The following KIF26B variants were observed in gnomAD, a reference collection of about 807,000 sequenced individuals.
The protein encoded by KIF26B is kinesin family member 26B.
In KIF26B, 63 loss-of-function variants were observed where a neutral mutation model predicts 151.2. The ratio of observed to expected loss-of-function variants is 0.42; its 90% CI spans 0.34 to 0.51. KIF26B has a LOEUF of 0.51. Among genes scored for constraint, KIF26B ranks in the 20% least tolerant of loss-of-function variants. The pLI is 0.07. For synonymous variants in KIF26B, 1,357 were observed against 1,262.1 expected, an observed-to-expected ratio of 1.08 and a Z score of -1.59; for missense variants, 2,813 against 2,913.6, an observed-to-expected ratio of 0.97 and a Z score of 0.79.
chr1:245,541,004 A>C (rs1661607799), intron 5 of KIF26B, 54 bp downstream of exon 5: 1 of 1,464,788 alleles, frequency 6.8e-7, no homozygotes, highest in African/African-American at 1.4e-5. Flanking sequence ...TTCTGGATCA[A>C]GTTTCAGGAG....
At chr1:245,640,160 T>TATATATATATATATATATATACACAC (rs796722836) in intron 9 of KIF26B, among the ~76,000 whole-genome samples, 3 of 54,850 alleles carry the variant, frequency 5.5e-5, no homozygotes, top group Admixed American at 1.6e-4. Context: ...TATATATATA[T>TATATATATATATATATATATACACAC]ACCCTGCTAT....
chr1:245,318,673 T>C lies in KIF26B; in HGVS notation c.466-48161T>C, dbSNP rs912633930. On this transcript the variant is annotated intron_variant, in intron 2 of 14. Coordinates refer to ENST00000407071, the MANE Select transcript of KIF26B (RefSeq NM_018012.4). This position sits in a 1 kb window ranked among gnomAD's most constrained non-coding sequence, Gnocchi z 4.0. ...GGAGACTCTGGCATATGCATCAGAG[T>C]TCCAGAGTGAAAGGTGGCTCTGAAA... is the stretch of plus-strand genomic sequence containing the variant. Among the ~76,000 whole-genome samples, 7 of 151,544 alleles carry C rather than the reference T, an allele frequency of 4.6e-5. No homozygotes were observed. The highest frequency in any genetic ancestry group is 1.5e-5 in the Non-Finnish European group (1 of 67,898).
intron 4 of KIF26B, among the ~76,000 whole-genome samples, chr1:245,483,350 T>C (rs1219548295): frequency 6.6e-6 from 1 of 151,604 alleles, no homozygotes; most frequent in Non-Finnish European, 1.5e-5. Flanking sequence ...CTTAGAGAGG[T>C]CAAAAGAGCT....
intron 10 of KIF26B, among the ~76,000 whole-genome samples, chr1:245,679,457 GTTTTT>G (rs35663208): frequency 2.5e-4 from 15 of 59,206 alleles, no homozygotes; most frequent in African/African-American, 7.1e-4. Flanking sequence ...TTTTGTGTGT[GTTTTT>G]TTTTTTTTTT....
chr1:245,670,419 G>A lies in KIF26B; in HGVS notation c.2259-13814G>A, dbSNP rs182160445. Reference sequence around the variant, plus strand: ...GCTGTGTAAGTTTAGAGTGTAGTATGTGATGATTTGATATATATTGTGAAA... The same window carrying A: ...GCTGTGTAAGTTTAGAGTGTAGTATATGATGATTTGATATATATTGTGAAA... On this transcript the variant is annotated intron_variant, in intron 10 of 14. Transcript: ENST00000407071. 2.4e-3 allele frequency among the ~76,000 whole-genome samples: 365 copies of A among 151,700 alleles called. 1 individual carries two copies. Among genetic ancestry groups the A allele is most frequent in the Middle Eastern group, 6.8e-3 (2 of 294 alleles).
At chr1:245,522,821 T>C (rs1661158664) in intron 4 of KIF26B, among the ~76,000 whole-genome samples, 1 of 152,214 alleles carries the variant, frequency 6.6e-6, no homozygotes, top group African/African-American at 2.4e-5. Flanking sequence ...AGCTGACTTG[T>C]GATGTAGCAG....
intron 9 of KIF26B, among the ~76,000 whole-genome samples, chr1:245,616,806 T>C (rs555859619): frequency 6.6e-6 from 1 of 152,298 alleles, no homozygotes; most frequent in East Asian, 1.9e-4. Flanking sequence ...TTCAGGGTAA[T>C]GCGCTAATGA....
intron 2 of KIF26B, among the ~76,000 whole-genome samples, chr1:245,325,425 C>T (rs992859395): frequency 2.0e-5 from 3 of 152,158 alleles, no homozygotes; most frequent in African/African-American, 7.2e-5. Context: ...GCTTAAGAAT[C>T]CATTTCAGCT....
chr1:245,637,336 C>G (rs570362913), intron 9 of KIF26B, among the ~76,000 whole-genome samples: 11 of 152,130 alleles, frequency 7.2e-5, no homozygotes, highest in Non-Finnish European at 7.4e-5. Flanking sequence ...CTATTCAGGT[C>G]TTTTGCTCAT....
intron 10 of KIF26B, among the ~76,000 whole-genome samples, chr1:245,668,423 T>TTTTCAAGAA (rs201273979): frequency 0.026 from 3,944 of 152,310 alleles, 179 homozygotes; most frequent in African/African-American, 0.09. Flanking sequence ...TCTTAATTCT[T>TTTTCAAGAA]TTTCAAGAAA....
At chr1:245,364,422 CTTTT>C (rs763619030) in intron 2 of KIF26B, among the ~76,000 whole-genome samples, 3 of 98,910 alleles carry the variant, frequency 3.0e-5, no homozygotes, top group Admixed American at 1.1e-4. Flanking sequence ...CTCTCTCTCT[CTTTT>C]TTTTTTTTTT....
At chr1:245,641,543 G>A (rs1357394693) in intron 9 of KIF26B, among the ~76,000 whole-genome samples, 2 of 122,164 alleles carry the variant, frequency 1.6e-5, no homozygotes, top group African/African-American at 6.9e-5. Flanking sequence ...TTTCTCTTCT[G>A]ACTGTCTATT....
At chr1:245,233,308 T>C (rs560845262) in intron 2 of KIF26B, among the ~76,000 whole-genome samples, 1 of 152,366 alleles carries the variant, frequency 6.6e-6, no homozygotes, top group African/African-American at 2.4e-5. Flanking sequence ...TATTCTACTT[T>C]GTAGAAAGAT....
intron 2 of KIF26B, among the ~76,000 whole-genome samples, chr1:245,238,645 G>C (rs1670157498): frequency 6.6e-6 from 1 of 152,134 alleles, no homozygotes; most frequent in African/African-American, 2.4e-5. Flanking sequence ...TGGATCACTT[G>C]AGGTCAGGAG....
At chr1:245,309,638 A>T (rs1376060337) in intron 2 of KIF26B, among the ~76,000 whole-genome samples, 1 of 149,050 alleles carries the variant, frequency 6.7e-6, no homozygotes, top group Non-Finnish European at 1.5e-5. Context: ...TACCTCTCTC[A>T]TTATATATAT....
At chr1:245,553,678 GA>G (rs2103111169) in intron 5 of KIF26B, among the ~76,000 whole-genome samples, 1 of 152,234 alleles carries the variant, frequency 6.6e-6, no homozygotes, top group African/African-American at 2.4e-5. Flanking sequence ...TCCGTGGGAG[GA>G]AAAACCATGA....
intron 4 of KIF26B, among the ~76,000 whole-genome samples, chr1:245,531,914 A>G (rs1302148049): frequency 6.6e-6 from 1 of 152,118 alleles, no homozygotes; most frequent in Non-Finnish European, 1.5e-5. Flanking sequence ...CTGGGCAACA[A>G]AGTGAGTCCC....
At chr1:245,315,028 A>T (rs1671739177) in intron 2 of KIF26B, among the ~76,000 whole-genome samples, 1 of 151,322 alleles carries the variant, frequency 6.6e-6, no homozygotes, top group South Asian at 2.1e-4. Context: ...TAAAAATACA[A>T]AATTAGCTGG....
At chr1:245,672,197 C>T (rs753319007) in intron 10 of KIF26B, among the ~76,000 whole-genome samples, 6 of 152,122 alleles carry the variant, frequency 3.9e-5, no homozygotes, top group Non-Finnish European at 5.9e-5. Flanking sequence ...GTGGCATCGG[C>T]GCTTCACCAG....
Sources: allele counts gnomAD v4.1 joint callset (sites outside exome capture counted in the v4.1 genomes callset), GRCh38; gene constraint gnomAD v4.1.1; non-coding constraint Gnocchi (gnomAD v3.1); transcripts MANE v1.5; gene names NCBI Gene and HGNC (gene_info 2026-07-23, HGNC 2026-07-21).